Variants in LRRC18 observed in about 807,000 individuals in gnomAD.
LRRC18 encodes the protein leucine-rich repeat-containing protein 18.
Under a neutral mutation model 11.2 loss-of-function variants are expected in LRRC18, and 12 were observed. The ratio of observed to expected loss-of-function variants is 1.07; its 90% CI spans 0.69 to 1.74. The LOEUF (loss-of-function observed/expected upper bound fraction) is 1.74, where lower values mean the gene tolerates loss of function less well. Ranked by LOEUF, LRRC18 falls within the 40% of genes most tolerant of loss-of-function variation. The pLI is 0.00. For synonymous variants in LRRC18, 155 were observed against 130.6 expected (o/e 1.19, Z -1.27); for missense variants, 374 against 330.5 (o/e 1.13, Z -1.02).
At chr10:48,920,378 A>T in the LRRC18 span, among the ~76,000 whole-genome samples, 1 of 151,394 alleles carries the variant, frequency 6.6e-6, no homozygotes, top group African/African-American at 2.4e-5. Flanking sequence ...GGGTGGGGGG[A>T]AGGGGGAGGG....
chr10:48,930,450 GC>G, the LRRC18 span, among the ~76,000 whole-genome samples: 1 of 152,198 alleles, frequency 6.6e-6, no homozygotes, highest in African/African-American at 2.4e-5. Context: ...GCACTATGGG[GC>G]TGGAGAGTGA....
Sources: allele counts gnomAD v4.1 joint callset (sites outside exome capture counted in the v4.1 genomes callset), GRCh38; gene constraint gnomAD v4.1.1; transcripts MANE v1.5; gene names NCBI Gene and HGNC (gene_info 2026-07-23, HGNC 2026-07-21).